Variants in BNC2 observed in about 807,000 individuals in gnomAD.
BNC2 encodes the protein zinc finger protein basonuclin-2.
In BNC2, 20 loss-of-function variants were observed where a neutral mutation model predicts 76.3. That is an observed-to-expected ratio of 0.26 (90% CI 0.18 to 0.38). The LOEUF (loss-of-function observed/expected upper bound fraction) is 0.38. Ranked by LOEUF, BNC2 falls within the 10% of genes least tolerant of loss-of-function variation. BNC2 has a pLI of 1.00. For missense variants in BNC2, 1,382 were observed against 1,399.8 expected (o/e 0.99, Z 0.20); for synonymous variants, 582 against 514.8 (o/e 1.13, Z -1.77).
rs1203890255 is a variant in BNC2 at position 16,416,364 on chromosome 9, G to A, written c.*2625C>T. The A allele has an allele frequency of 1.3e-5, 2 of 152,414 alleles. No individual in the cohort carries two copies. Among genetic ancestry groups the A allele is most frequent in the African/African-American group, 2.4e-5 (1 of 41,382 alleles). The allele number at this position is 152,414 out of a possible 1,614,324, so 9.4% of individuals were successfully genotyped here. A position where few individuals can be genotyped will look rare whatever the true frequency, so the allele number is the denominator to read the frequency against. On this transcript the variant is annotated 3_prime_UTR_variant, in exon 7 of 7. Transcript: ENST00000380672. ...TTTTGAATCTAACCATTTGGTAATG[G>A]GGCAACAGCACAACACAGAGAACGC...
chr9:16,773,273 G>C (rs941107032), intron 1 of BNC2, among the ~76,000 whole-genome samples: 1 of 152,148 alleles, frequency 6.6e-6, no homozygotes, highest in Non-Finnish European at 1.5e-5. Flanking sequence ...AGTGTCATAT[G>C]AAGGCTTATG....
chr9:16,712,346 C>G (rs1823874493), intron 3 of BNC2, among the ~76,000 whole-genome samples: 1 of 151,866 alleles, frequency 6.6e-6, no homozygotes, highest in Non-Finnish European at 1.5e-5. Flanking sequence ...AAAGTTATAA[C>G]CTAAAGCCAA....
chr9:16,637,627 A>G lies in BNC2; in HGVS notation c.331-54542T>C, dbSNP rs571118762. Among the ~76,000 whole-genome samples the G allele has an allele frequency of 3.6e-3, 552 of 152,338 alleles. 3 individuals are homozygous for G. Among genetic ancestry groups the G allele is most frequent in the African/African-American group, 0.012 (513 of 41,576 alleles). On this transcript the variant is annotated intron_variant, in intron 3 of 6. Coordinates refer to ENST00000380672, the MANE Select transcript of BNC2 (RefSeq NM_017637.6). Reference sequence around the variant, plus strand: ...CCAAAATATTTATTTAAAAAAAAGCAAAAACAGTAACTTTTCTAAAAGGCA... The same window carrying G: ...CCAAAATATTTATTTAAAAAAAAGCGAAAACAGTAACTTTTCTAAAAGGCA...
chr9:16,487,651 G>C (rs889272455), intron 5 of BNC2, among the ~76,000 whole-genome samples: 9 of 152,286 alleles, frequency 5.9e-5, no homozygotes, highest in African/African-American at 2.2e-4. Flanking sequence ...TGAGAAAAAA[G>C]TGACAAGCTA....
intron 1 of BNC2, among the ~76,000 whole-genome samples, chr9:16,771,047 T>C (rs565170206): frequency 6.6e-6 from 1 of 152,138 alleles, no homozygotes; most frequent in East Asian, 1.9e-4. Flanking sequence ...CGCATGCCTG[T>C]AATCCCAGCT....
At chr9:16,572,247 G>C (rs967844201) in intron 4 of BNC2, among the ~76,000 whole-genome samples, 1 of 152,080 alleles carries the variant, frequency 6.6e-6, no homozygotes, top group African/African-American at 2.4e-5. Context: ...TGGATGTTTG[G>C]GCTGCTAAAA....
chr9:16,455,658 G>C lies in BNC2; in HGVS notation c.670-18134C>G, dbSNP rs896054668. Among the ~76,000 whole-genome samples the C allele has an allele frequency of 7.2e-5, 11 of 152,192 alleles. No individual in the cohort carries two copies. In the South Asian group the frequency reaches 1.7e-3, roughly 23 times the overall value. On this transcript the variant is annotated intron_variant, in intron 5 of 6. Coordinates refer to ENST00000380672, the MANE Select transcript of BNC2 (RefSeq NM_017637.6). ...ATACAAAAAATTAGTGGGGCATGGT[G>C]GCACATGCCTGTAATCCCAGCTACT...
intron 3 of BNC2, among the ~76,000 whole-genome samples, chr9:16,619,379 G>A (rs564966401): frequency 2.0e-5 from 3 of 151,766 alleles, no homozygotes; most frequent in Admixed American, 1.3e-4. Context: ...GGCACAGCAG[G>A]CTTCCTGTGA....
intron 5 of BNC2, among the ~76,000 whole-genome samples, chr9:16,438,114 T>C (rs1821057148): frequency 6.6e-6 from 1 of 152,184 alleles, no homozygotes; most frequent in South Asian, 2.1e-4. Context: ...TGTATCTTTT[T>C]TTTTTGAGTG....
At chr9:16,501,620 C>T (rs1822520639) in intron 5 of BNC2, among the ~76,000 whole-genome samples, 2 of 152,114 alleles carry the variant, frequency 1.3e-5, no homozygotes, top group South Asian at 4.1e-4. Flanking sequence ...GTCTGCATAA[C>T]ATAGAGTATT....
intron 3 of BNC2, among the ~76,000 whole-genome samples, chr9:16,723,857 A>G (rs192066588): frequency 1.5e-3 from 232 of 152,204 alleles, no homozygotes; most frequent in African/African-American, 5.4e-3. Context: ...CTAATGAGAG[A>G]ATCTAATGCA....
intron 1 of BNC2, among the ~76,000 whole-genome samples, chr9:16,769,469 T>C (rs1475655202): frequency 6.6e-6 from 1 of 152,108 alleles, no homozygotes; most frequent in Middle Eastern, 3.2e-3. Context: ...GGTTAATAAG[T>C]GATGGGGGTC....
chr9:16,552,965 A>AT (rs1019529878), intron 4 of BNC2, among the ~76,000 whole-genome samples, 200 bp from the exon 5 acceptor site: 2 of 151,984 alleles, frequency 1.3e-5, no homozygotes, highest in African/African-American at 4.8e-5. Context: ...TTTCTTTCCT[A>AT]TTTTTTTAAT....
At chr9:16,487,101 G>C (rs1207942894) in intron 5 of BNC2, among the ~76,000 whole-genome samples, 1 of 152,238 alleles carries the variant, frequency 6.6e-6, no homozygotes, top group Non-Finnish European at 1.5e-5. Context: ...TGAGAAAAGA[G>C]ATGTGTAACT....
At chr9:16,748,017 GA>G (rs34637050) in intron 1 of BNC2, among the ~76,000 whole-genome samples, 130,635 of 151,838 alleles carry the variant, frequency 0.86, 56,572 homozygotes, top group Non-Finnish European at 0.91. Flanking sequence ...AAGAAGAATG[GA>G]AAAAAAAACT....
intron 3 of BNC2, among the ~76,000 whole-genome samples, chr9:16,609,278 A>C (rs1820472526): frequency 6.6e-6 from 1 of 152,210 alleles, no homozygotes; most frequent in Non-Finnish European, 1.5e-5. Context: ...TATAAAACCC[A>C]CAGTATCCTC....
At chr9:16,429,081 A>G (rs1478470856) in intron 6 of BNC2, among the ~76,000 whole-genome samples, 1 of 152,172 alleles carries the variant, frequency 6.6e-6, no homozygotes, top group Non-Finnish European at 1.5e-5. Flanking sequence ...CTTCTTTCCA[A>G]TTCTGCCACA....
At chr9:16,620,023 C>A (rs1004766957) in intron 3 of BNC2, among the ~76,000 whole-genome samples, 1 of 152,112 alleles carries the variant, frequency 6.6e-6, no homozygotes, top group African/African-American at 2.4e-5. Flanking sequence ...GCCTTCTTCC[C>A]GTGAAGATCA....
At chr9:16,866,197 G>A (rs1382932300) in intron 1 of BNC2, among the ~76,000 whole-genome samples, 2 of 152,022 alleles carry the variant, frequency 1.3e-5, no homozygotes, top group African/African-American at 4.8e-5. Flanking sequence ...GAAATTAAAT[G>A]ACAATTATTG....
Sources: gnomAD v4.1 joint callset for allele counts (sites outside exome capture counted in the v4.1 genomes callset) on GRCh38, gnomAD v4.1.1 for gene constraint, MANE v1.5 for transcripts, NCBI Gene and HGNC (gene_info 2026-07-23, HGNC 2026-07-21) for gene names.